The following ZFYVE1 variants were observed in gnomAD, a reference collection of about 807,000 sequenced individuals.
ZFYVE1 encodes the protein zinc finger FYVE domain-containing protein 1.
Under a neutral mutation model 74.4 loss-of-function variants are expected in ZFYVE1, and 30 were observed. The observed-to-expected ratio is 0.40, with a 90% CI of 0.30 to 0.55. The LOEUF (loss-of-function observed/expected upper bound fraction) is 0.55. Ranked by LOEUF, ZFYVE1 falls within the 20% of genes least tolerant of loss-of-function variation. The probability of loss-of-function intolerance (pLI) is 0.42; values close to 1 mark genes in which losing one functional copy is unlikely to be tolerated. For synonymous variants in ZFYVE1, 335 were observed against 385.1 expected (o/e 0.87, Z 1.52); for missense variants, 703 against 1,011.6 (o/e 0.69, Z 4.14).
rs1215598084 is a variant in ZFYVE1, at chr14:72,977,942, C to A, written c.1620G>T (p.Val540=). The part of the protein sequence containing the change: ...PVDTVVRTEI[V]HVWPGTDGFL... ...CAGTTCTTACTCCAGGCCACACATG[C>A]ACAATCTCTGTCCGCACCACCGTAT... The change falls in exon 8 of 12, where the codon GTG becomes GTT. Residue 540 remains valine (V), a synonymous_variant. Transcript: ENST00000556143. 2.5e-6 allele frequency: 4 copies of A among 1,614,048 alleles called. No homozygotes were observed. In the African/African-American group the frequency reaches 5.3e-5, roughly 22 times the overall value.
chr14:73,007,314 G>A (rs2140376793), intron 2 of ZFYVE1, among the ~76,000 whole-genome samples: 1 of 152,202 alleles, frequency 6.6e-6, no homozygotes, highest in South Asian at 2.1e-4. Context: ...AAAGTAGTTT[G>A]GCACCAAGGT....
intron 2 of ZFYVE1, among the ~76,000 whole-genome samples, chr14:73,002,746 T>C (rs941789707): frequency 2.0e-5 from 3 of 149,922 alleles, no homozygotes; most frequent in Non-Finnish European, 3.0e-5. Flanking sequence ...TTTTTCTTTT[T>C]TTTTTTTTTT....
chr14:73,019,417 A>G (rs1894268936), intron 2 of ZFYVE1, among the ~76,000 whole-genome samples: 1 of 151,958 alleles, frequency 6.6e-6, no homozygotes, highest in Non-Finnish European at 1.5e-5. Context: ...CCCCATCTAA[A>G]AAAAAAATCC....
chr14:73,003,515 T>C (rs1432152968), intron 2 of ZFYVE1, among the ~76,000 whole-genome samples: 2 of 152,160 alleles, frequency 1.3e-5, no homozygotes, highest in African/African-American at 2.4e-5. Flanking sequence ...AATTCAAGAC[T>C]ACCTTAAGCA....
At chr14:72,981,971 G>A (rs1409976663) in intron 4 of ZFYVE1, 76 bp from the exon 5 acceptor site, 4 of 1,259,536 alleles carry the variant, frequency 3.2e-6, no homozygotes, top group African/African-American at 1.5e-5. Context: ...TGCAGGCACC[G>A]TACAAGCAAC....
Position 72,993,640 on chromosome 14 carries a change from A to G in ZFYVE1, c.989-283T>C, listed in dbSNP as rs911950743. On this transcript the variant is annotated intron_variant, in intron 3 of 11. Coordinates refer to ENST00000556143, the MANE Select transcript of ZFYVE1 (RefSeq NM_021260.4). ...CTTGAACCCAGGAGGCGAAGGTTGC[A>G]GTAAGCTGAAATCGCACCACTGCAC... 3.3e-5 allele frequency among the ~76,000 whole-genome samples: 5 copies of G among 151,888 alleles called. No homozygotes were observed. In the East Asian group the frequency reaches 7.8e-4, roughly 24 times the overall value.
At chr14:73,025,485 C>T (rs1030699530) in intron 1 of ZFYVE1, among the ~76,000 whole-genome samples, 2 of 151,732 alleles carry the variant, frequency 1.3e-5, no homozygotes, top group African/African-American at 2.4e-5. Context: ...CACTTGAGGT[C>T]AGGAGTTCGA....
intron 2 of ZFYVE1, among the ~76,000 whole-genome samples, chr14:73,021,534 C>T (rs1266744055): frequency 3.3e-5 from 5 of 152,160 alleles, no homozygotes. Flanking sequence ...AGATTTATGT[C>T]AATCATCTAA....
At chr14:73,025,459 G>A (rs931545012) in intron 1 of ZFYVE1, among the ~76,000 whole-genome samples, 22 of 151,844 alleles carry the variant, frequency 1.4e-4, no homozygotes, top group Non-Finnish European at 2.9e-5. Context: ...ACTTTGGGAG[G>A]CCGAGGTGGG....
chr14:72,993,477 T>C (rs2333017), intron 3 of ZFYVE1, 120 bp from the exon 4 acceptor site: 342,364 of 821,210 alleles, frequency 0.42, 74,140 homozygotes, highest in South Asian at 0.49. Context: ...CCAAGGTGGG[T>C]GGATCACCCG....
intron 4 of ZFYVE1, chr14:72,987,083 G>C (rs1180377593): frequency 3.7e-5 from 16 of 428,332 alleles, no homozygotes; most frequent in Non-Finnish European, 4.4e-5. Flanking sequence ...TCTTTCTATT[G>C]TATCTATAGG....
chr14:72,987,786 C>CTATT (rs759967573), intron 4 of ZFYVE1, among the ~76,000 whole-genome samples: 3 of 152,154 alleles, frequency 2.0e-5, no homozygotes, highest in Non-Finnish European at 4.4e-5. Flanking sequence ...TGGGCTGTTG[C>CTATT]TATTGTGGAC....
At chr14:72,990,200 GCAA>G (rs1440570212) in intron 4 of ZFYVE1, among the ~76,000 whole-genome samples, 1 of 152,182 alleles carries the variant, frequency 6.6e-6, no homozygotes, top group Non-Finnish European at 1.5e-5. Flanking sequence ...TGGGTAAACT[GCAA>G]CAACTGCAAA....
intron 2 of ZFYVE1, among the ~76,000 whole-genome samples, chr14:73,020,664 T>A (rs1351873726): frequency 2.0e-5 from 3 of 152,166 alleles, no homozygotes; most frequent in Non-Finnish European, 4.4e-5. Context: ...AGTTCATTGT[T>A]AATGGTGACT....
At position 72,997,931 on chromosome 14, in the gene ZFYVE1, G is replaced by A; in HGVS notation, c.868C>T (p.His290Tyr). Residue 290 changes from histidine to tyrosine, a missense_variant, in exon 3 of 12, where the codon CAC becomes TAC. His to Tyr is a moderately conservative substitution (Grantham distance 83). Around this residue, in one of 2 missense-constraint regions of ZFYVE1, gnomAD observed 492 missense variants for 790.0 expected, o/e 0.62. Transcript: ENST00000556143. ...GTGGCCTTGAGCTCCTTGGTGAAGT[G>A]CTTCAGATAAGCTTCTGAGGCATCC... ...LGDASEAYLKHFTKELKATTA... is the reference protein window; with the variant it reads ...LGDASEAYLKYFTKELKATTA... The A allele has an allele frequency of 1.9e-6, 3 of 1,614,172 alleles. No homozygotes were observed. Among genetic ancestry groups the A allele is most frequent in the Non-Finnish European group, 2.5e-6 (3 of 1,180,022 alleles).
At chr14:73,000,456 T>G (rs1472713620) in intron 2 of ZFYVE1, among the ~76,000 whole-genome samples, 1 of 151,954 alleles carries the variant, frequency 6.6e-6, no homozygotes, top group Non-Finnish European at 1.5e-5. Flanking sequence ...AATTAAAAAT[T>G]AGCTGGGCAT....
chr14:73,024,129 T>C lies in ZFYVE1; in HGVS notation c.380A>G (p.Gln127Arg). Residue 127 changes from glutamine to arginine, a missense_variant, in exon 2 of 12, where the codon CAG (glutamine) becomes CGG (arginine). Transcript: ENST00000556143. Reference sequence around the variant, plus strand: ...CATCTCTTCTGCCTCCAGTGACTCCTGGAGATTACTGACATTGTACACAGT... The same window carrying C: ...CATCTCTTCTGCCTCCAGTGACTCCCGGAGATTACTGACATTGTACACAGT... The part of the protein sequence containing the change: ...PVTVYNVSNL[Q>R]ESLEAEEMDE... 1 of 1,614,206 alleles carries C rather than the reference T, an allele frequency of 6.2e-7. No homozygotes were observed.
intron 5 of ZFYVE1, chr14:72,979,329 G>A (rs980625122): frequency 2.9e-5 from 6 of 205,598 alleles, no homozygotes; most frequent in Admixed American, 1.0e-4. Context: ...GTGAAACATC[G>A]ACTCTACCAA....
chr14:73,000,975 C>A (rs1198760920), intron 2 of ZFYVE1, among the ~76,000 whole-genome samples: 1 of 152,210 alleles, frequency 6.6e-6, no homozygotes, highest in African/African-American at 2.4e-5. Context: ...CGTGCTCTTA[C>A]TTTGACCTGA....
Sources: gnomAD v4.1 joint callset for allele counts (sites outside exome capture counted in the v4.1 genomes callset) on GRCh38, gnomAD v4.1.1 for gene constraint, gnomAD v4.1.1 regional missense constraint, MANE v1.5 for transcripts, NCBI Gene and HGNC (gene_info 2026-07-23, HGNC 2026-07-21) for gene names.